The following HSF2 variants were observed in gnomAD, a reference collection of about 807,000 sequenced individuals.
The protein encoded by HSF2 is heat shock factor protein 2.
HSF2 carries 21 observed loss-of-function variants against 65.0 expected under a neutral mutation model. The observed-to-expected ratio is 0.32, with a 90% CI of 0.23 to 0.47. The LOEUF (loss-of-function observed/expected upper bound fraction) is 0.47, where lower values mean the gene tolerates loss of function less well. Among genes scored for constraint, HSF2 ranks in the 20% least tolerant of loss-of-function variants. HSF2 has a pLI of 1.00. For missense variants in HSF2, 499 were observed against 628.1 expected (o/e 0.79, Z 2.20); for synonymous variants, 225 against 219.1 (o/e 1.03, Z -0.24).
chr6:122,418,536 T>C (rs1035916473), intron 5 of HSF2, among the ~76,000 whole-genome samples: 11 of 152,218 alleles, frequency 7.2e-5, no homozygotes, highest in Non-Finnish European at 5.9e-5. Flanking sequence ...AAAGATTAGC[T>C]TCCCTTGTCA....
chr6:122,399,901 GTC>G, intron 1 of HSF2, 71 bp downstream of exon 1: 1 of 1,201,946 alleles, frequency 8.3e-7, no homozygotes, highest in Non-Finnish European at 1.2e-6. Context: ...CTGCGGGGTG[GTC>G]TCTCGCGGCC....
At position 122,432,011 on chromosome 6, in the gene HSF2, A is replaced by G. The variant is rs767400537; in HGVS notation, c.1402A>G (p.Thr468Ala). 9.3e-6 allele frequency: 15 copies of G among 1,614,064 alleles called. No individual in the cohort carries two copies. Among genetic ancestry groups the G allele is most frequent in the Middle Eastern group, 3.3e-4 (2 of 6,060 alleles). Residue 468 changes from threonine (T) to alanine (A), a missense_variant, in exon 13 of 13, where the codon ACA (threonine) becomes GCA (alanine). Coordinates refer to ENST00000368455, the MANE Select transcript of HSF2 (RefSeq NM_004506.4). ...PASSVEQAST[T>A]ASSEVLSSVD... ...TTCTTCTGTTGAACAGGCGAGTACA[A>G]CAGCATCATCAGAAGTTTTGTCCTC... is the stretch of plus-strand genomic sequence containing the variant.
intron 5 of HSF2, among the ~76,000 whole-genome samples, chr6:122,416,725 A>C (rs959385872): frequency 1.3e-5 from 2 of 152,204 alleles, no homozygotes; most frequent in Non-Finnish European, 2.9e-5. Flanking sequence ...CAGTTGACCA[A>C]ATTATGAGTT....
rs982867749 is a variant in HSF2 at position 122,432,645 on chromosome 6, A to G, written c.*425A>G. 1.3e-5 allele frequency: 2 copies of G among 154,252 alleles called. No homozygotes were observed. Among genetic ancestry groups the G allele is most frequent in the Non-Finnish European group, 2.9e-5 (2 of 69,536 alleles). 9.6% of individuals were successfully genotyped at this position (154,252 alleles called of 1,614,324 possible). Reference sequence around the variant, plus strand: ...TCTGCTCCAGTTATTTTTATTAAATATTTTTCACTTGGCTTATTTTTAAAA... The same window carrying G: ...TCTGCTCCAGTTATTTTTATTAAATGTTTTTCACTTGGCTTATTTTTAAAA... On this transcript the variant is annotated 3_prime_UTR_variant, in exon 13 of 13. Coordinates refer to ENST00000368455, the MANE Select transcript of HSF2 (RefSeq NM_004506.4).
At chr6:122,400,786 G>T (rs1773711739) in intron 1 of HSF2, among the ~76,000 whole-genome samples, 2 of 152,192 alleles carry the variant, frequency 1.3e-5, no homozygotes, top group Non-Finnish European at 2.9e-5. Context: ...TCATTTTTAT[G>T]AAGGAAAGTG....
chr6:122,414,846 A>G (rs1469458555), intron 4 of HSF2, among the ~76,000 whole-genome samples: 1 of 152,120 alleles, frequency 6.6e-6, no homozygotes, highest in Non-Finnish European at 1.5e-5. Flanking sequence ...CAAACTCCTG[A>G]CCTCAAGTGA....
intron 1 of HSF2, among the ~76,000 whole-genome samples, chr6:122,411,157 G>A (rs894213815): frequency 1.3e-5 from 2 of 151,748 alleles, no homozygotes; most frequent in Non-Finnish European, 3.0e-5. Context: ...TCTAATGGGT[G>A]TGCAGTGGTA....
intron 1 of HSF2, among the ~76,000 whole-genome samples, chr6:122,408,450 A>G (rs1773915491): frequency 6.6e-6 from 1 of 151,970 alleles, no homozygotes; most frequent in African/African-American, 2.4e-5. Context: ...GCATATTTCT[A>G]AATTCATTTT....
chr6:122,422,685 T>C (rs569942295), intron 8 of HSF2, 33 bp from the exon 9 acceptor site: 3 of 1,605,992 alleles, frequency 1.9e-6, no homozygotes, highest in East Asian at 4.5e-5. Context: ...AATTTGAAAA[T>C]GTAATAGGTT....
At chr6:122,427,420 T>TA (rs1774361353) in intron 10 of HSF2, among the ~76,000 whole-genome samples, 1 of 152,010 alleles carries the variant, frequency 6.6e-6, no homozygotes, top group Non-Finnish European at 1.5e-5. Context: ...AACAAGTAGA[T>TA]ATGCCATCTG....
At position 122,413,528 on chromosome 6, in the gene HSF2, T is replaced by A; in HGVS notation, c.334T>A (p.Ser112Thr). 6.4e-7 allele frequency: 1 copy of A among 1,566,710 alleles called. No individual in the cohort carries two copies. Among genetic ancestry groups the A allele is most frequent in the East Asian group, 2.2e-5 (1 of 44,518 alleles). Residue 112 changes from serine to threonine, a missense_variant, in exon 4 of 13, where the codon TCA becomes ACA. Physicochemically the swap from Ser to Thr is moderately conservative, Grantham distance 58. This residue lies in a region of HSF2 where 150 missense variants were observed against 234.6 expected (regional missense o/e 0.64). Coordinates refer to ENST00000368455, the MANE Select transcript of HSF2 (RefSeq NM_004506.4). ...TTCTAAATTTACTTTTTCAAAGGTT[T>A]CATCTTCAAAACCAGAAGAAAATAA... ...DLLENIKRKV[S>T]SSKPEENKIR...
intron 11 of HSF2, among the ~76,000 whole-genome samples, chr6:122,429,390 T>C (rs1562206784): frequency 6.6e-6 from 1 of 152,098 alleles, no homozygotes; most frequent in African/African-American, 2.4e-5. Context: ...TGCTCTACAA[T>C]GCTGTAGAAA....
intron 10 of HSF2, among the ~76,000 whole-genome samples, chr6:122,425,998 C>G (rs1192111932): frequency 6.6e-6 from 1 of 151,954 alleles, no homozygotes. Context: ...CTTCTATTTA[C>G]TTAGGAGGAT....
intron 1 of HSF2, 151 bp downstream of exon 1, chr6:122,399,981 C>T (rs1202431505): frequency 1.6e-6 from 1 of 615,458 alleles, no homozygotes; most frequent in Admixed American, 3.7e-5. Flanking sequence ...CGGGGGACCC[C>T]CTGTATTGTT....
intron 5 of HSF2, 34 bp downstream of exon 5, chr6:122,416,330 C>G: frequency 6.8e-7 from 1 of 1,475,658 alleles, no homozygotes; most frequent in African/African-American, 1.4e-5. Context: ...CCATAATTTG[C>G]ATTTGTTTAA....
At chr6:122,422,046 C>A in intron 7 of HSF2, 104 bp from the exon 8 acceptor site, 1 of 766,378 alleles carries the variant, frequency 1.3e-6, no homozygotes, top group Non-Finnish European at 2.1e-6. Flanking sequence ...TTGCATACCC[C>A]GAGATTCAGT....
Position 122,430,668 on chromosome 6 carries a change from C to T in HSF2, c.1231-762C>T, listed in dbSNP as rs142846909. On this transcript the variant is annotated intron_variant, in intron 11 of 12. Transcript: ENST00000368455. ...ACTGGAATTAGTTTACAGTTGGTTA[C>T]ACCATATATATTTAGCCAGCATGTA... Among the ~76,000 whole-genome samples, 62 of 152,202 alleles carry T rather than the reference C, an allele frequency of 4.1e-4. 1 individual carries two copies. Among genetic ancestry groups the T allele is most frequent in the African/African-American group, 1.3e-3 (54 of 41,538 alleles).
At chr6:122,419,816 A>G (rs1774195075) in intron 6 of HSF2, among the ~76,000 whole-genome samples, 1 of 152,200 alleles carries the variant, frequency 6.6e-6, no homozygotes, top group South Asian at 2.1e-4. Context: ...ATTAGTTCTT[A>G]TGATATTATC....
chr6:122,423,079 T>C lies in HSF2; in HGVS notation c.1070+122T>C. The C allele has an allele frequency of 5.6e-6, 6 of 1,079,778 alleles. 1 individual carries two copies. In the South Asian group the frequency reaches 8.7e-5, roughly 16 times the overall value. The allele number at this position is 1,079,778 out of a possible 1,614,324, so 66.9% of individuals were successfully genotyped here. ...AACCCACATAGTCCACCTTTCTCTGTTTTGGTCAGTGTTGAGTTCTGTAAT... is the reference window on the plus strand; with the variant it reads ...AACCCACATAGTCCACCTTTCTCTGCTTTGGTCAGTGTTGAGTTCTGTAAT... On this transcript the variant is annotated intron_variant, in intron 9 of 12. Coordinates refer to ENST00000368455, the MANE Select transcript of HSF2 (RefSeq NM_004506.4).
Sources: allele counts gnomAD v4.1 joint callset (sites outside exome capture counted in the v4.1 genomes callset), GRCh38; gene constraint gnomAD v4.1.1; regional missense constraint gnomAD v4.1.1; transcripts MANE v1.5; gene names NCBI Gene and HGNC (gene_info 2026-07-23, HGNC 2026-07-21).